The following COQ10B variants were observed in gnomAD, a reference collection of about 807,000 sequenced individuals.
COQ10B encodes the protein coenzyme Q-binding protein COQ10 homolog B, mitochondrial.
A neutral mutation model predicts 27.6 loss-of-function variants in COQ10B; 12 were observed. The observed-to-expected ratio is 0.43, with a 90% CI of 0.28 to 0.70. The LOEUF is 0.70. Among genes scored for constraint, COQ10B ranks in the 30% least tolerant of loss-of-function variants. The pLI, the probability that COQ10B is intolerant of heterozygous loss-of-function variation, is 0.17. For missense variants in COQ10B, 278 were observed against 288.7 expected, an observed-to-expected ratio of 0.96 and a Z score of 0.27; for synonymous variants, 115 against 103.0, an observed-to-expected ratio of 1.12 and a Z score of -0.71.
intron 3 of COQ10B, among the ~76,000 whole-genome samples, chr2:197,464,818 A>T (rs895321067): frequency 6.7e-6 from 1 of 149,584 alleles, no homozygotes. Context: ...TATAATCTTA[A>T]TTTTTTTTTT....
chr2:197,473,036 GTCTTC>G (rs1367373274), intron 4 of COQ10B, among the ~76,000 whole-genome samples: 9 of 152,054 alleles, frequency 5.9e-5, no homozygotes, highest in Admixed American at 3.3e-4. Context: ...GTTTTTTCCA[GTCTTC>G]TCTTATTAAG....
At chr2:197,457,912 G>A (rs1001442746) in intron 1 of COQ10B, among the ~76,000 whole-genome samples, 1 of 152,054 alleles carries the variant, frequency 6.6e-6, no homozygotes, top group Non-Finnish European at 1.5e-5. Context: ...GTGAGCCACC[G>A]CACCCGGCCT....
intron 3 of COQ10B, among the ~76,000 whole-genome samples, chr2:197,464,454 G>C (rs1469932159): frequency 6.6e-6 from 1 of 152,134 alleles, no homozygotes; most frequent in Non-Finnish European, 1.5e-5. Flanking sequence ...TAGAAAGAAA[G>C]AGAACACTGT....
At chr2:197,456,293 C>T (rs2085697347) in intron 1 of COQ10B, among the ~76,000 whole-genome samples, 1 of 146,860 alleles carries the variant, frequency 6.8e-6, no homozygotes, top group Non-Finnish European at 1.5e-5. Flanking sequence ...GTGAAACCCC[C>T]ATCTCTACTA....
chr2:197,458,065 C>G (rs941014467), intron 1 of COQ10B, among the ~76,000 whole-genome samples: 4 of 150,516 alleles, frequency 2.7e-5, no homozygotes, highest in African/African-American at 9.7e-5. Flanking sequence ...CCAAATTTGT[C>G]TCTCTCTAAT....
At chr2:197,470,324 C>A (rs537138829) in intron 4 of COQ10B, among the ~76,000 whole-genome samples, 153 bp downstream of exon 4, 21 of 152,284 alleles carry the variant, frequency 1.4e-4, no homozygotes, top group African/African-American at 5.1e-4. Flanking sequence ...TTTCTTGCAA[C>A]CTTGAATATT....
chr2:197,463,430 C>T (rs996360389), intron 3 of COQ10B, among the ~76,000 whole-genome samples: 3 of 151,226 alleles, frequency 2.0e-5, no homozygotes, highest in East Asian at 1.9e-4. Flanking sequence ...GAGATAGTGC[C>T]GCTGCACTGC....
intron 4 of COQ10B, 113 bp downstream of exon 4, chr2:197,470,284 A>T: frequency 1.7e-6 from 1 of 600,612 alleles, no homozygotes; most frequent in South Asian, 2.1e-5. Context: ...TTTCTGCATA[A>T]ATGCTAATGA....
In COQ10B at chr2:197,462,521, T is replaced by C. The variant is rs182031853; in HGVS notation, c.255-18T>C. ...CTAGATGGAGTTAACACCTCTTTTT[T>C]ATTTTTATTTTTTAAAGATATTCAA... On this transcript the variant is annotated intron_variant, in intron 2 of 4. Transcript: ENST00000263960. The C allele has an allele frequency of 2.9e-5, 41 of 1,405,380 alleles. No homozygotes were observed. In the East Asian group the frequency reaches 8.1e-4, roughly 28 times the overall value. 87.1% of individuals were successfully genotyped at this position (1,405,380 alleles called of 1,614,324 possible). A position where few individuals can be genotyped will look rare whatever the true frequency, so the allele number is the denominator to read the frequency against.
In COQ10B at chr2:197,473,751, C is replaced by G. The variant is rs1339409494; in HGVS notation, c.550-6C>G. On this transcript the variant is annotated splice_polypyrimidine_tract_variant and splice_region_variant and intron_variant, in intron 4 of 4. Transcript: ENST00000263960. ...TTCTAAAATAATTTTCAATATTTTCCTACAGATTTCTTTTGAATTTCGATC... is the reference window on the plus strand; with the variant it reads ...TTCTAAAATAATTTTCAATATTTTCGTACAGATTTCTTTTGAATTTCGATC... 1 of 1,462,082 alleles carries G rather than the reference C, an allele frequency of 6.8e-7. No individual in the cohort carries two copies. Among genetic ancestry groups the G allele is most frequent in the Non-Finnish European group, 9.1e-7 (1 of 1,094,918 alleles). The allele number at this position is 1,462,082 out of a possible 1,614,324, so 90.6% of individuals were successfully genotyped here.
chr2:197,455,674 A>AGT, intron 1 of COQ10B, among the ~76,000 whole-genome samples: 1 of 151,552 alleles, frequency 6.6e-6, no homozygotes, highest in African/African-American at 2.4e-5. Context: ...CAAAAAATAA[A>AGT]CAAGGCCGGA....
chr2:197,453,867 C>A, intron 1 of COQ10B: 1 of 1,302,668 alleles, frequency 7.7e-7, no homozygotes, highest in Non-Finnish European at 1.1e-6. Context: ...GTGTTCGTGG[C>A]TCGTTTGCCT....
chr2:197,470,765 T>G (rs1026557230), intron 4 of COQ10B, among the ~76,000 whole-genome samples: 3 of 152,080 alleles, frequency 2.0e-5, no homozygotes, highest in African/African-American at 2.4e-5. Context: ...CGTGGTGGCA[T>G]GTGCCTGTAA....
At chr2:197,473,654 C>G in intron 4 of COQ10B, 103 bp from the exon 5 acceptor site, 1 of 826,588 alleles carries the variant, frequency 1.2e-6, no homozygotes, top group East Asian at 3.0e-5. Context: ...CCACTGCACT[C>G]CAACCTGGGC....
At chr2:197,460,132 T>A in intron 2 of COQ10B, 51 bp downstream of exon 2, 1 of 1,344,380 alleles carries the variant, frequency 7.4e-7, no homozygotes, top group Non-Finnish European at 1.0e-6. Context: ...CAATTTTCCG[T>A]GGGGTATCGT....
chr2:197,469,937 C>A (rs1574586323), intron 3 of COQ10B, 133 bp from the exon 4 acceptor site: 1 of 473,750 alleles, frequency 2.1e-6, no homozygotes, highest in East Asian at 3.6e-5. Context: ...AATTAGATAT[C>A]TTTATCTCCT....
At chr2:197,459,100 C>T (rs1441605047) in intron 1 of COQ10B, among the ~76,000 whole-genome samples, 1 of 152,140 alleles carries the variant, frequency 6.6e-6, no homozygotes, top group African/African-American at 2.4e-5. Flanking sequence ...CATGTTTTTA[C>T]ATATATGCAT....
chr2:197,472,137 T>TG (rs2085883808), intron 4 of COQ10B, among the ~76,000 whole-genome samples: 1 of 149,626 alleles, frequency 6.7e-6, no homozygotes, highest in Admixed American at 6.7e-5. Flanking sequence ...ATTTTGTAGT[T>TG]TTTTTTTTTT....
At chr2:197,462,954 T>G (rs925016800) in intron 3 of COQ10B, among the ~76,000 whole-genome samples, 1 of 152,222 alleles carries the variant, frequency 6.6e-6, no homozygotes, top group South Asian at 2.1e-4. Context: ...CCCTTTTTTT[T>G]CCCTTCTATT....
Sources: allele counts gnomAD v4.1 joint callset (sites outside exome capture counted in the v4.1 genomes callset), GRCh38; gene constraint gnomAD v4.1.1; transcripts MANE v1.5; gene names NCBI Gene and HGNC (gene_info 2026-07-23, HGNC 2026-07-21).